DOCK8: variants seen among roughly 807,000 people sequenced by gnomAD.
The protein encoded by DOCK8 is dedicator of cytokinesis protein 8.
DOCK8 carries 141 observed loss-of-function variants against 245.6 expected under a neutral mutation model. The ratio of observed to expected loss-of-function variants is 0.57; its 90% CI spans 0.50 to 0.66. The LOEUF is 0.66. Among genes scored for constraint, DOCK8 ranks in the 30% least tolerant of loss-of-function variants. DOCK8 has a pLI of 0.00. For missense variants in DOCK8, 2,965 were observed against 2,603.4 expected (o/e 1.14, Z -3.02); for synonymous variants, 1,168 against 970.2 (o/e 1.20, Z -3.79).
intron 3 of DOCK8, among the ~76,000 whole-genome samples, chr9:287,151 A>G (rs759029073): frequency 2.0e-5 from 3 of 152,198 alleles, no homozygotes; most frequent in Non-Finnish European, 4.4e-5. Flanking sequence ...AAAAAGATGA[A>G]TAAGTCAAAG....
chr9:302,513 A>C lies in DOCK8; in HGVS notation c.405-2068A>C, dbSNP rs149887097. ...AAATTGACAAGTGGGACTTAATTAAACTAAAGAGCTTCTGCACAGCAGAAG... is the reference window on the plus strand; with the variant it reads ...AAATTGACAAGTGGGACTTAATTAACCTAAAGAGCTTCTGCACAGCAGAAG... On this transcript the variant is annotated intron_variant, in intron 4 of 47. Transcript: ENST00000432829. 2.2e-3 allele frequency among the ~76,000 whole-genome samples: 340 copies of C among 152,388 alleles called. 1 individual carries two copies. The highest frequency in any genetic ancestry group is 7.9e-3 in the African/African-American group (328 of 41,594).
intron 44 of DOCK8, among the ~76,000 whole-genome samples, chr9:448,652 C>T (rs752957621): frequency 6.6e-6 from 1 of 152,192 alleles, no homozygotes; most frequent in Non-Finnish European, 1.5e-5. Context: ...CCTCTTCTCC[C>T]TGTGTCTCTT....
rs1412531929 is a variant in DOCK8 at position 407,041 on chromosome 9, G to A, written c.3502G>A (p.Ala1168Thr). The A allele has an allele frequency of 3.1e-6, 5 of 1,614,014 alleles. No individual in the cohort carries two copies. Among genetic ancestry groups the A allele is most frequent in the Non-Finnish European group, 4.2e-6 (5 of 1,180,028 alleles). Residue 1168 changes from alanine (A) to threonine (T), a missense_variant, in exon 28 of 48, where the codon GCT becomes ACT. By Grantham distance (58) the Ala-to-Thr change is moderately conservative. This residue lies in a region of DOCK8 where 2,825 missense variants were observed against 2,453.5 expected (regional missense o/e 1.15). Coordinates refer to ENST00000432829, the MANE Select transcript of DOCK8 (RefSeq NM_203447.4). Reference sequence around the variant, plus strand: ...CACCGGGCTCCTCTTCACAGAACTGGCTGCTGCCCTGGATGCCGAAGGGGA... The same window carrying A: ...CACCGGGCTCCTCTTCACAGAACTGACTGCTGCCCTGGATGCCGAAGGGGA... ...FLTGLLFTEL[A>T]AALDAEGEGI...
rs1221315889 is a variant in DOCK8 at position 426,999 on chromosome 9, C to T, written c.4338+18C>T. On this transcript the variant is annotated intron_variant, in intron 34 of 47. Transcript: ENST00000432829. ...TTATCCAGGTGAGGAAAACAAACAC[C>T]CAATCTGATTTGTTGGCCATGAATA... 3 of 1,597,280 alleles carry T rather than the reference C, an allele frequency of 1.9e-6. No individual in the cohort carries two copies. Among genetic ancestry groups the T allele is most frequent in the East Asian group, 2.2e-5 (1 of 44,812 alleles).
Position 325,729 on chromosome 9 carries a change from A to C in DOCK8, c.886A>C (p.Arg296=). The C allele has an allele frequency of 6.2e-7, 1 of 1,613,938 alleles. No homozygotes were observed. The highest frequency in any genetic ancestry group is 1.3e-5 in the African/African-American group (1 of 75,056). ...ASIALYDVKE[R]KKISENFHCD... ...CATTGCCCTCTACGATGTTAAAGAA[A>C]GGAAAAAGGTAAGAAAGCAAAGAAA... Residue 296 remains arginine, a synonymous_variant, in exon 8 of 48, where the codon AGG becomes CGG. Coordinates refer to ENST00000432829, the MANE Select transcript of DOCK8 (RefSeq NM_203447.4).
rs1416028416 is a variant in DOCK8, at chr9:396,919, A to G, written c.3105A>G (p.Leu1035=). The G allele has an allele frequency of 1.2e-6, 2 of 1,614,086 alleles. No homozygotes were observed. Reference sequence around the variant, plus strand: ...TCACCTCGGAAATTGCAGCCCTTTTAGTAAAACCACAGAAGGTAACTGTAT... The same window carrying G: ...TCACCTCGGAAATTGCAGCCCTTTTGGTAAAACCACAGAAGGTAACTGTAT... ...NVVTSEIAAL[L]VKPQKENEQA... is the part of the protein sequence containing the mutation. The change falls in exon 25 of 48, where the codon TTA becomes TTG. Residue 1035 remains leucine (L), a synonymous_variant. Transcript: ENST00000432829.
At position 339,032 on chromosome 9, in the gene DOCK8, C is replaced by T. The variant is rs1319647772; in HGVS notation, c.1449C>T (p.Asp483=). ...AAGGAGATCGCCTTAGCGATGAAGA[C>T]TTATTCAAGTTTTTAGCTGACTACA... is the stretch of plus-strand genomic sequence containing the variant. ...KQEGDRLSDE[D]LFKFLADYKR... The change falls in exon 13 of 48, where the codon GAC becomes GAT. Residue 483 remains aspartate (D), a synonymous_variant. Coordinates refer to ENST00000432829, the MANE Select transcript of DOCK8 (RefSeq NM_203447.4). 6.2e-7 allele frequency: 1 copy of T among 1,614,008 alleles called. No individual in the cohort carries two copies. Among genetic ancestry groups the T allele is most frequent in the Non-Finnish European group, 8.5e-7 (1 of 1,180,026 alleles).
intron 14 of DOCK8, among the ~76,000 whole-genome samples, chr9:352,307 G>A (rs186079678): frequency 5.3e-4 from 81 of 152,260 alleles, no homozygotes; most frequent in Non-Finnish European, 7.8e-4. Context: ...GATCCTCACC[G>A]TGATGCTCTT....
intron 43 of DOCK8, among the ~76,000 whole-genome samples, chr9:443,814 A>G (rs1246792376): frequency 6.6e-6 from 1 of 152,164 alleles, no homozygotes; most frequent in Non-Finnish European, 1.5e-5. Flanking sequence ...AGATTTTGTC[A>G]TTCCTATTTT....
At chr9:312,845 T>TTAATGATACGGCGA in intron 6 of DOCK8, 12 of 179,284 alleles carry the variant, frequency 6.7e-5, no homozygotes, top group South Asian at 3.7e-4. Flanking sequence ...CTCTCAGTTT[T>TTAATGATACGGCGA]CCCCTCTGCG....
chr9:400,031 TCACCACCACCACCTC>T (rs2054704211), intron 26 of DOCK8, among the ~76,000 whole-genome samples: 6 of 58,550 alleles, frequency 1.0e-4, no homozygotes, highest in African/African-American at 5.6e-4. Flanking sequence ...ACCTCCACCA[TCACCACCACCACCTC>T]CACCATCACC....
At chr9:373,331 A>G (rs1160243923) in intron 18 of DOCK8, among the ~76,000 whole-genome samples, 1 of 152,250 alleles carries the variant, frequency 6.6e-6, no homozygotes, top group Non-Finnish European at 1.5e-5. Context: ...TTTAGTCTGC[A>G]TCTTAAAAGA....
chr9:236,927 A>G (rs1026384219), intron 1 of DOCK8, among the ~76,000 whole-genome samples: 1 of 152,200 alleles, frequency 6.6e-6, no homozygotes, highest in Non-Finnish European at 1.5e-5. Flanking sequence ...TGGGACACAT[A>G]GCTTCTACTC....
At chr9:295,695 A>G (rs918747441) in intron 4 of DOCK8, among the ~76,000 whole-genome samples, 2 of 152,154 alleles carry the variant, frequency 1.3e-5, no homozygotes, top group African/African-American at 4.8e-5. Context: ...TTTATTTCTC[A>G]GTTATCTCCT....
chr9:294,108 T>G (rs887604888), intron 4 of DOCK8, among the ~76,000 whole-genome samples: 3 of 152,234 alleles, frequency 2.0e-5, no homozygotes, highest in Non-Finnish European at 4.4e-5. Context: ...TTCTTTAAAA[T>G]AACTGTCCAT....
chr9:345,306 A>G (rs556689407), intron 14 of DOCK8, among the ~76,000 whole-genome samples: 1 of 152,326 alleles, frequency 6.6e-6, no homozygotes, highest in Admixed American at 6.5e-5. Flanking sequence ...AATTTGAAAT[A>G]TGGCTTGGCT....
At chr9:233,891 AT>A (rs1324953621) in intron 1 of DOCK8, among the ~76,000 whole-genome samples, 1 of 152,150 alleles carries the variant, frequency 6.6e-6, no homozygotes, top group Non-Finnish European at 1.5e-5. Flanking sequence ...CATTTAGCCC[AT>A]TTACATTTAA....
At chr9:370,885 G>A (rs902226932) in intron 16 of DOCK8, among the ~76,000 whole-genome samples, 1 of 152,116 alleles carries the variant, frequency 6.6e-6, no homozygotes, top group African/African-American at 2.4e-5. Context: ...GCACATTCTG[G>A]GATTGGGATG....
intron 14 of DOCK8, among the ~76,000 whole-genome samples, chr9:360,520 A>G (rs905945559): frequency 6.6e-6 from 1 of 152,238 alleles, no homozygotes; most frequent in Non-Finnish European, 1.5e-5. Context: ...TCTGCAAAGT[A>G]GCAGGAAAAA....
Sources: gnomAD v4.1 joint callset for allele counts (sites outside exome capture counted in the v4.1 genomes callset) on GRCh38, gnomAD v4.1.1 for gene constraint, gnomAD v4.1.1 regional missense constraint, MANE v1.5 for transcripts, NCBI Gene and HGNC (gene_info 2026-07-23, HGNC 2026-07-21) for gene names.